Variants in CSMD1 observed in about 807,000 individuals in gnomAD.
CSMD1 encodes CUB and Sushi multiple domains 1.
In CSMD1, 213 loss-of-function variants were observed where a neutral mutation model predicts 417.5. The ratio of observed to expected loss-of-function variants is 0.51; its 90% CI spans 0.46 to 0.57. CSMD1 has a LOEUF of 0.57. Among genes scored for constraint, CSMD1 ranks in the 20% least tolerant of loss-of-function variants. The probability of loss-of-function intolerance (pLI) is 0.00; values close to 1 mark genes in which losing one functional copy is unlikely to be tolerated. For synonymous variants in CSMD1, 2,862 were observed against 1,736.8 expected, an observed-to-expected ratio of 1.65 and a Z score of -16.11; for missense variants, 6,923 against 4,529.7, an observed-to-expected ratio of 1.53 and a Z score of -15.17.
intron 7 of CSMD1, among the ~76,000 whole-genome samples, chr8:3,641,401 G>C (rs957658225): frequency 6.6e-6 from 1 of 152,108 alleles, no homozygotes. Flanking sequence ...GATCTTAGAA[G>C]CAGAAATAAA....
intron 2 of CSMD1, among the ~76,000 whole-genome samples, chr8:4,632,854 G>A (rs1044696811): frequency 2.0e-5 from 3 of 152,182 alleles, no homozygotes; most frequent in Non-Finnish European, 4.4e-5. Flanking sequence ...GGTAGAGGGA[G>A]AGGCCGGGAA....
intron 3 of CSMD1, among the ~76,000 whole-genome samples, chr8:4,263,791 G>C (rs926398399): frequency 6.6e-6 from 1 of 152,160 alleles, no homozygotes; most frequent in Non-Finnish European, 1.5e-5. Flanking sequence ...CTCCAATTGT[G>C]ACTGGCTCAC....
At chr8:3,006,896 T>C (rs1807956461) in intron 52 of CSMD1, among the ~76,000 whole-genome samples, 1 of 140,846 alleles carries the variant, frequency 7.1e-6, no homozygotes, top group Non-Finnish European at 1.5e-5. Flanking sequence ...CCAAAAGCAA[T>C]GGCAACAAAA....
At chr8:2,992,467 A>G (rs1348432993) in intron 54 of CSMD1, among the ~76,000 whole-genome samples, 1 of 151,912 alleles carries the variant, frequency 6.6e-6, no homozygotes, top group Non-Finnish European at 1.5e-5. Context: ...TCTGTCAGTC[A>G]GGCTGGAGTG....
chr8:4,976,264 C>T (rs181511619), intron 1 of CSMD1, among the ~76,000 whole-genome samples: 9 of 152,250 alleles, frequency 5.9e-5, no homozygotes, highest in East Asian at 1.9e-4. Flanking sequence ...AATACACCTG[C>T]GTAACAAGTA....
chr8:3,529,512 A>G (rs891893073), intron 10 of CSMD1, among the ~76,000 whole-genome samples: 1 of 152,204 alleles, frequency 6.6e-6, no homozygotes, highest in Non-Finnish European at 1.5e-5. Flanking sequence ...CTAATCATAT[A>G]GAGGAGAAAT....
intron 3 of CSMD1, among the ~76,000 whole-genome samples, chr8:4,279,733 C>T (rs1015043258): frequency 2.0e-5 from 3 of 152,048 alleles, no homozygotes; most frequent in Admixed American, 1.3e-4. Flanking sequence ...ATTTTCAATG[C>T]AGCATTTCTA....
chr8:4,091,856 ATTT>A (rs2130849667), intron 3 of CSMD1, among the ~76,000 whole-genome samples: 1 of 152,346 alleles, frequency 6.6e-6, no homozygotes, highest in East Asian at 1.9e-4. Context: ...AAACAACAGA[ATTT>A]TAACAAAATT....
At chr8:2,997,327 T>G (rs897965675) in intron 54 of CSMD1, among the ~76,000 whole-genome samples, 1 of 152,248 alleles carries the variant, frequency 6.6e-6, no homozygotes, top group Non-Finnish European at 1.5e-5. Flanking sequence ...GTTCCCACTC[T>G]GCTATCAGCT....
intron 3 of CSMD1, among the ~76,000 whole-genome samples, chr8:4,256,393 G>A (rs1432635769): frequency 6.6e-6 from 1 of 152,092 alleles, no homozygotes; most frequent in Non-Finnish European, 1.5e-5. Flanking sequence ...ACACCCCTCT[G>A]AATTTCTCTT....
chr8:4,334,780 A>G (rs1024221158), intron 3 of CSMD1, among the ~76,000 whole-genome samples: 1 of 152,098 alleles, frequency 6.6e-6, no homozygotes, highest in Non-Finnish European at 1.5e-5. Flanking sequence ...TAGGCATTTT[A>G]GTCTGTTTGG....
chr8:4,547,115 C>T (rs1481425925), intron 2 of CSMD1, among the ~76,000 whole-genome samples: 1 of 152,246 alleles, frequency 6.6e-6, no homozygotes, highest in East Asian at 1.9e-4. Flanking sequence ...ATATATGCAT[C>T]CCCCAGACCT....
chr8:3,344,810 GA>G (rs1807884413), intron 22 of CSMD1, among the ~76,000 whole-genome samples: 1 of 152,168 alleles, frequency 6.6e-6, no homozygotes, highest in South Asian at 2.1e-4. Context: ...AATACATTTA[GA>G]AAAGATAATT....
At chr8:4,391,598 C>G (rs532752408) in intron 3 of CSMD1, among the ~76,000 whole-genome samples, 20 of 152,016 alleles carry the variant, frequency 1.3e-4, no homozygotes, top group Non-Finnish European at 2.9e-4. Context: ...TTTGCCCCCG[C>G]TTTTGACTCC....
chr8:4,166,916 C>T (rs1230347396), intron 3 of CSMD1, among the ~76,000 whole-genome samples: 2 of 152,178 alleles, frequency 1.3e-5, no homozygotes, highest in African/African-American at 4.8e-5. Context: ...ATTTTGAATG[C>T]TCAGCAGCCA....
At chr8:4,657,336 T>C (rs75499454) in intron 1 of CSMD1, among the ~76,000 whole-genome samples, 6 of 152,164 alleles carry the variant, frequency 3.9e-5, no homozygotes, top group African/African-American at 1.4e-4. Context: ...ACTGGCAGAC[T>C]GAGAGAGGAT....
chr8:3,730,876 T>C (rs2129047537), intron 6 of CSMD1, among the ~76,000 whole-genome samples: 1 of 152,160 alleles, frequency 6.6e-6, no homozygotes, highest in East Asian at 1.9e-4. Context: ...GAGAGAGTGC[T>C]TTTAGCCACT....
chr8:3,724,858 G>C (rs779023780), intron 6 of CSMD1, among the ~76,000 whole-genome samples: 1 of 152,212 alleles, frequency 6.6e-6, no homozygotes, highest in Non-Finnish European at 1.5e-5. Context: ...GATATCAGAA[G>C]CTTTACTTTA....
At chr8:3,115,498 G>A (rs958992357) in intron 42 of CSMD1, among the ~76,000 whole-genome samples, 9 of 152,026 alleles carry the variant, frequency 5.9e-5, no homozygotes, top group Non-Finnish European at 1.2e-4. Context: ...CACTGTGCCC[G>A]GCCTAAAACC....
Sources: gnomAD v4.1 joint callset for allele counts (sites outside exome capture counted in the v4.1 genomes callset) on GRCh38, gnomAD v4.1.1 for gene constraint, MANE v1.5 for transcripts, NCBI Gene and HGNC (gene_info 2026-07-23, HGNC 2026-07-21) for gene names.